FRMPD1: variants seen among roughly 807,000 people sequenced by gnomAD.
FRMPD1 encodes the protein FERM and PDZ domain containing 1, also known as FERM and PDZ domain-containing protein 1.
FRMPD1 carries 76 observed loss-of-function variants against 117.8 expected under a neutral mutation model. The observed-to-expected ratio is 0.65, with a 90% CI of 0.54 to 0.78. The LOEUF (loss-of-function observed/expected upper bound fraction) is 0.78, where lower values mean the gene tolerates loss of function less well. FRMPD1 is among the 30% of genes least tolerant of loss of function. The pLI is 0.00. For synonymous variants in FRMPD1, 783 were observed against 770.4 expected (o/e 1.02, Z -0.27); for missense variants, 1,786 against 1,964.5 (o/e 0.91, Z 1.72).
the FRMPD1 span, among the ~76,000 whole-genome samples, chr9:37,639,670 G>A: frequency 1.3e-5 from 2 of 152,112 alleles, no homozygotes; most frequent in Non-Finnish European, 2.9e-5. Context: ...TCCATGGGCT[G>A]GATGACTCCA....
At position 37,745,064 on chromosome 9, in the gene FRMPD1, G is replaced by A. The variant is rs758035280; in HGVS notation, c.3032G>A (p.Ser1011Asn). 2 of 1,614,138 alleles carry A rather than the reference G, an allele frequency of 1.2e-6. No individual in the cohort carries two copies. Among genetic ancestry groups the A allele is most frequent in the East Asian group, 4.5e-5 (2 of 44,882 alleles). ...GAACCAACCATAGAGCATGGAGACA[G>A]CTCCTTCTCCCTCTCCAGTGGTGAC... is the stretch of plus-strand genomic sequence containing the variant. ...PKEPTIEHGD[S>N]SFSLSSGDPN... Residue 1011 changes from serine (S) to asparagine (N), a missense_variant, in exon 16 of 16, where the codon AGC becomes AAC. Ser to Asn is a conservative substitution (Grantham distance 46). Coordinates refer to ENST00000377765, the MANE Select transcript of FRMPD1 (RefSeq NM_014907.3).
In FRMPD1 at chr9:37,667,726, C is replaced by A. The variant is rs141201839; in HGVS notation, c.-5+16632C>A. Among the ~76,000 whole-genome samples the A allele has an allele frequency of 7.3e-5, 11 of 151,446 alleles. No individual in the cohort carries two copies. In the East Asian group the frequency reaches 2.0e-3, roughly 27 times the overall value. On this transcript the variant is annotated intron_variant, in intron 1 of 15. Coordinates refer to ENST00000377765, the MANE Select transcript of FRMPD1 (RefSeq NM_014907.3). ...AAGAAGGTTACCCCTGTGCTTATTT[C>A]TTTTTCAACCTCTGTAATGCAAACC... is the stretch of plus-strand genomic sequence containing the variant.
intron 1 of FRMPD1, among the ~76,000 whole-genome samples, chr9:37,691,644 C>T (rs1261047853): frequency 6.6e-6 from 1 of 152,190 alleles, no homozygotes; most frequent in African/African-American, 2.4e-5. Context: ...TGGCTCATGC[C>T]TATAATCCCA....
chr9:37,661,712 A>G (rs769026257), intron 1 of FRMPD1: 1 of 152,182 alleles, frequency 6.6e-6, no homozygotes, highest in Non-Finnish European at 1.5e-5. Context: ...TCAGTTTCCT[A>G]TCTGTGGGCT....
the FRMPD1 span, among the ~76,000 whole-genome samples, chr9:37,629,868 G>A: frequency 1.6e-4 from 24 of 152,168 alleles, no homozygotes; most frequent in African/African-American, 5.6e-4. Context: ...ACAAAACGCT[G>A]TAGACTGAGT....
chr9:37,649,126 C>G (rs551418339), upstream of FRMPD1, among the ~76,000 whole-genome samples: 1 of 152,154 alleles, frequency 6.6e-6, no homozygotes, highest in Non-Finnish European at 1.5e-5. Flanking sequence ...AACATTTGTA[C>G]TCACCGGACA....
intron 2 of FRMPD1, among the ~76,000 whole-genome samples, chr9:37,701,265 C>T (rs772661229): frequency 5.9e-5 from 9 of 152,204 alleles, no homozygotes; most frequent in Admixed American, 5.9e-4. Context: ...GTTCTCCAAA[C>T]AATTATTAAC....
At chr9:37,656,276 A>G (rs1221924989) in intron 1 of FRMPD1, among the ~76,000 whole-genome samples, 1 of 152,150 alleles carries the variant, frequency 6.6e-6, no homozygotes, top group Non-Finnish European at 1.5e-5. Context: ...TGTCAGCTGA[A>G]CTCACTCGTG....
Position 37,745,338 on chromosome 9 carries a change from A to C in FRMPD1, c.3306A>C (p.Glu1102Asp), listed in dbSNP as rs879438303. The part of the protein sequence containing the change: ...GEKIASIPTK[E>D]EPQGQLSLER... ...AGATAGCTTCTATCCCTACAAAGGA[A>C]GAGCCACAAGGACAACTATCTCTGG... Residue 1102 changes from glutamate (E) to aspartate (D), a missense_variant, in exon 16 of 16, where the codon GAA becomes GAC. Transcript: ENST00000377765. The C allele has an allele frequency of 1.2e-6, 2 of 1,613,220 alleles. No individual in the cohort carries two copies. The highest frequency in any genetic ancestry group is 1.7e-6 in the Non-Finnish European group (2 of 1,179,090).
At chr9:37,668,753 A>C (rs1821250998) in intron 1 of FRMPD1, among the ~76,000 whole-genome samples, 1 of 152,196 alleles carries the variant, frequency 6.6e-6, no homozygotes, top group Non-Finnish European at 1.5e-5. Flanking sequence ...ATCCTTTATG[A>C]AACCTGTTTG....
chr9:37,671,758 G>A (rs1449735938), intron 1 of FRMPD1, among the ~76,000 whole-genome samples: 2 of 152,140 alleles, frequency 1.3e-5, no homozygotes, highest in East Asian at 3.9e-4. Context: ...CTGAGGTCAG[G>A]AGTTTGAGAC....
intron 6 of FRMPD1, among the ~76,000 whole-genome samples, chr9:37,721,859 G>A (rs562141740): frequency 2.6e-5 from 4 of 152,114 alleles, no homozygotes; most frequent in Non-Finnish European, 4.4e-5. Flanking sequence ...TATATGAAAT[G>A]CATATTGGGT....
At chr9:37,689,497 C>A (rs1010232490) in intron 1 of FRMPD1, among the ~76,000 whole-genome samples, 10 of 152,152 alleles carry the variant, frequency 6.6e-5, no homozygotes, top group East Asian at 3.8e-4. Flanking sequence ...ATTTCTATTT[C>A]TTTTCCCTAA....
chr9:37,609,488 T>G, the FRMPD1 span, among the ~76,000 whole-genome samples: 1 of 152,212 alleles, frequency 6.6e-6, no homozygotes, highest in Admixed American at 6.5e-5. Flanking sequence ...TCTCAAACCC[T>G]GCATCCAATC....
At chr9:37,719,264 A>G (rs796582995) in intron 6 of FRMPD1, 88 bp downstream of exon 6, 1 of 819,786 alleles carries the variant, frequency 1.2e-6, no homozygotes, top group Non-Finnish European at 2.1e-6. Flanking sequence ...ATTCCACAGC[A>G]CAGAGGGTGC....
the FRMPD1 span, among the ~76,000 whole-genome samples, chr9:37,619,543 A>G: frequency 2.6e-5 from 4 of 152,144 alleles, no homozygotes; most frequent in South Asian, 2.1e-4. Context: ...GGATCACCTG[A>G]GGTCAGGAGT....
intron 6 of FRMPD1, among the ~76,000 whole-genome samples, chr9:37,719,601 A>G (rs937248549): frequency 1.3e-5 from 2 of 152,106 alleles, no homozygotes; most frequent in Non-Finnish European, 2.9e-5. Flanking sequence ...TGTGACCTAA[A>G]CTTTGTGTGT....
intron 2 of FRMPD1, among the ~76,000 whole-genome samples, chr9:37,701,823 G>T (rs1337921485): frequency 3.3e-5 from 5 of 152,154 alleles, no homozygotes; most frequent in Non-Finnish European, 5.9e-5. Flanking sequence ...AGAATGGAAA[G>T]TGGGGAGACC....
In FRMPD1 at chr9:37,711,384, C is replaced by T. The variant is rs559939562; in HGVS notation, c.397C>T (p.Arg133Cys). 4.4e-6 allele frequency: 7 copies of T among 1,607,958 alleles called. No homozygotes were observed. Among genetic ancestry groups the T allele is most frequent in the African/African-American group, 1.3e-5 (1 of 74,916 alleles). The change falls in exon 5 of 16, where the codon CGC becomes TGC. Residue 133 changes from arginine to cysteine, a missense_variant. Physicochemically the swap from Arg to Cys is radical, Grantham distance 180. Coordinates refer to ENST00000377765, the MANE Select transcript of FRMPD1 (RefSeq NM_014907.3). ...AGATTCTCTTTCAATCACAGTTGTT[C>T]GCTGCACGTCGGTAAATCTCTTTCT... ...AEDSLSITVVRCTSGVPKSSF... is the reference protein window; with the variant it reads ...AEDSLSITVVCCTSGVPKSSF...
Sources: allele counts gnomAD v4.1 joint callset (sites outside exome capture counted in the v4.1 genomes callset), GRCh38; gene constraint gnomAD v4.1.1; transcripts MANE v1.5; gene names NCBI Gene and HGNC (gene_info 2026-07-23, HGNC 2026-07-21).